CDH23: variants seen among roughly 807,000 people sequenced by gnomAD.
The protein encoded by CDH23 is cadherin-23.
In CDH23, 189 loss-of-function variants were observed where a neutral mutation model predicts 317.1. The ratio of observed to expected loss-of-function variants is 0.60; its 90% CI spans 0.53 to 0.67. CDH23 has a LOEUF of 0.67. Ranked by LOEUF, CDH23 falls within the 30% of genes least tolerant of loss-of-function variation. The pLI is 0.00. For missense variants in CDH23, 4,401 were observed against 4,592.4 expected, an observed-to-expected ratio of 0.96 and a Z score of 1.20; for synonymous variants, 1,839 against 1,876.8, an observed-to-expected ratio of 0.98 and a Z score of 0.52.
chr10:71,661,599 C>T (rs1863652856), intron 14 of CDH23, among the ~76,000 whole-genome samples: 1 of 152,084 alleles, frequency 6.6e-6, no homozygotes, highest in Non-Finnish European at 1.5e-5. Context: ...CTCCAGCCTG[C>T]CTTAGGACAT....
At chr10:71,484,622 T>C (rs1482635410) in intron 3 of CDH23, among the ~76,000 whole-genome samples, 1 of 152,206 alleles carries the variant, frequency 6.6e-6, no homozygotes, top group Non-Finnish European at 1.5e-5. Context: ...GGTGGTGACC[T>C]TGGGGGTGCC....
intron 3 of CDH23, among the ~76,000 whole-genome samples, chr10:71,508,679 G>A (rs952772368): frequency 1.3e-5 from 2 of 152,136 alleles, no homozygotes; most frequent in African/African-American, 2.4e-5. Flanking sequence ...ATTTGGGGCA[G>A]GTAGTGTCTG....
intron 37 of CDH23, 52 bp from the exon 38 acceptor site, chr10:71,741,642 T>G (rs927333886): frequency 6.6e-7 from 1 of 1,507,540 alleles, no homozygotes; most frequent in African/African-American, 1.4e-5. Flanking sequence ...GGTGCCAGAC[T>G]GTGCCCCAAT....
intron 43 of CDH23, among the ~76,000 whole-genome samples, 169 bp from the exon 44 acceptor site, chr10:71,785,462 A>G (rs1689120345): frequency 6.6e-6 from 1 of 152,230 alleles, no homozygotes; most frequent in Non-Finnish European, 1.5e-5. Context: ...AGGCCTGGGC[A>G]TGAGTGGGTC....
intron 18 of CDH23, among the ~76,000 whole-genome samples, chr10:71,683,402 G>C (rs1390329303): frequency 6.6e-6 from 1 of 152,244 alleles, no homozygotes; most frequent in Admixed American, 6.5e-5. Flanking sequence ...AGACATGCTG[G>C]AGAGCCTTCC....
At chr10:71,549,122 C>A (rs1307175517) in intron 6 of CDH23, among the ~76,000 whole-genome samples, 2 of 152,248 alleles carry the variant, frequency 1.3e-5, no homozygotes, top group Admixed American at 1.3e-4. Context: ...CAGCCAGGAT[C>A]TGACCCCTGA....
At chr10:71,765,470 G>A (rs1420792088) in intron 38 of CDH23, among the ~76,000 whole-genome samples, 2 of 152,192 alleles carry the variant, frequency 1.3e-5, no homozygotes, top group Non-Finnish European at 2.9e-5. Context: ...TGGACAAGTG[G>A]GGCTAGCGTG....
chr10:71,712,628 G>A (rs1249415596), intron 27 of CDH23, 37 bp from the exon 28 acceptor site: 1 of 1,608,438 alleles, frequency 6.2e-7, no homozygotes, highest in African/African-American at 1.3e-5. Flanking sequence ...CCTCTCTCAG[G>A]CAGCTGCTAA....
chr10:71,688,117 G>C (rs139352571), intron 19 of CDH23, among the ~76,000 whole-genome samples: 1 of 152,170 alleles, frequency 6.6e-6, no homozygotes, highest in Non-Finnish European at 1.5e-5. Flanking sequence ...GCCTTACAGC[G>C]GGGCATGTGT....
chr10:71,412,109 G>T (rs1848367096), intron 1 of CDH23, among the ~76,000 whole-genome samples: 1 of 152,104 alleles, frequency 6.6e-6, no homozygotes, highest in South Asian at 2.1e-4. Context: ...ATGTTTTCAA[G>T]ATTCATCCAT....
intron 66 of CDH23, 59 bp downstream of exon 66, chr10:71,812,074 G>A (rs1841949053): frequency 3.7e-6 from 6 of 1,613,154 alleles, no homozygotes; most frequent in East Asian, 2.2e-5. Flanking sequence ...GGACCCAGCT[G>A]GGGAGAGCTG....
intron 9 of CDH23, among the ~76,000 whole-genome samples, chr10:71,601,968 G>C (rs951565753): frequency 1.3e-4 from 20 of 151,218 alleles, no homozygotes; most frequent in Non-Finnish European, 2.2e-4. Flanking sequence ...CGGAGGGGGG[G>C]GGGCTCTGCA....
In CDH23 at chr10:71,738,597, C is replaced by T. The variant is rs397517329; in HGVS notation, c.4309C>T (p.Arg1437Ter). 25 of 1,613,614 alleles carry T rather than the reference C, an allele frequency of 1.5e-5. No homozygotes were observed. The highest frequency in any genetic ancestry group is 1.9e-5 in the Non-Finnish European group (23 of 1,179,882). Residue 1437 changes from arginine to a stop codon, truncating the protein, a stop_gained, in exon 35 of 70, where the codon CGA (arginine) becomes TGA (stop). Transcript: ENST00000224721. LOFTEE classifies it high-confidence loss of function. ...ACCCGAGGACTGCCCTGTGGGCCAG[C>T]GAGTGGCTACTGTCAAGGCCTGGGA... ...SIPEDCPVGQ[R>*]VATVKAWDPD...
chr10:71,551,027 A>T (rs901024038), intron 6 of CDH23, among the ~76,000 whole-genome samples: 3 of 152,228 alleles, frequency 2.0e-5, no homozygotes, highest in Non-Finnish European at 4.4e-5. Context: ...ACGAGCGGCA[A>T]ACCTAATGAT....
intron 14 of CDH23, among the ~76,000 whole-genome samples, chr10:71,665,249 C>T (rs1009787543): frequency 6.6e-6 from 1 of 152,158 alleles, no homozygotes; most frequent in African/African-American, 2.4e-5. Context: ...TGGCAAGAAC[C>T]GTCAGCTCCA....
At chr10:71,453,606 C>T (rs1328504860) in intron 3 of CDH23, among the ~76,000 whole-genome samples, 1 of 152,266 alleles carries the variant, frequency 6.6e-6, no homozygotes, top group Non-Finnish European at 1.5e-5. Context: ...GGAACTGTCC[C>T]TCCTCCCTGA....
intron 3 of CDH23, among the ~76,000 whole-genome samples, chr10:71,473,182 G>C (rs547716534): frequency 6.6e-6 from 1 of 152,354 alleles, no homozygotes; most frequent in South Asian, 2.1e-4. Context: ...GCCTGGGAAG[G>C]CAGGATGCTC....
Position 71,471,600 on chromosome 10 carries a change from C to T in CDH23, c.145+25205C>T, listed in dbSNP as rs149291602. On this transcript the variant is annotated intron_variant, in intron 3 of 69. Coordinates refer to ENST00000224721, the MANE Select transcript of CDH23 (RefSeq NM_022124.6). ...CTCCAGTTGCGTGGACCCAGCTGAGCCCTGGAAGCTGCACCAGGAGGGCCA... is the reference window on the plus strand; with the variant it reads ...CTCCAGTTGCGTGGACCCAGCTGAGTCCTGGAAGCTGCACCAGGAGGGCCA... Among the ~76,000 whole-genome samples the T allele has an allele frequency of 2.6e-5, 4 of 152,232 alleles. No individual in the cohort carries two copies. In the South Asian group the frequency reaches 8.3e-4, roughly 32 times the overall value.
chr10:71,451,947 C>T (rs983973376), intron 3 of CDH23, among the ~76,000 whole-genome samples: 14 of 152,230 alleles, frequency 9.2e-5, no homozygotes, highest in African/African-American at 3.4e-4. Flanking sequence ...GCTCCCCTCC[C>T]CAGGGCATGT....
Sources: allele counts gnomAD v4.1 joint callset (sites outside exome capture counted in the v4.1 genomes callset), GRCh38; gene constraint gnomAD v4.1.1; transcripts MANE v1.5; gene names NCBI Gene and HGNC (gene_info 2026-07-23, HGNC 2026-07-21).